The following C7 variants were observed in gnomAD, a reference collection of about 807,000 sequenced individuals.
The protein encoded by C7 is complement C7, also known as complement component C7.
C7 carries 83 observed loss-of-function variants against 104.8 expected under a neutral mutation model. The observed-to-expected ratio is 0.79, with a 90% CI of 0.66 to 0.95. The LOEUF is 0.95. Ranked by LOEUF, C7 falls within the 40% of genes least tolerant of loss-of-function variation. The probability of loss-of-function intolerance (pLI) is 0.00; values close to 1 mark genes in which losing one functional copy is unlikely to be tolerated. For synonymous variants in C7, 415 were observed against 360.6 expected, an observed-to-expected ratio of 1.15 and a Z score of -1.71; for missense variants, 1,070 against 1,011.2, an observed-to-expected ratio of 1.06 and a Z score of -0.79.
chr5:40,911,733 T>C (rs914757662), intron 1 of C7, among the ~76,000 whole-genome samples: 1 of 145,364 alleles, frequency 6.9e-6, no homozygotes, highest in Non-Finnish European at 1.5e-5. Context: ...ACACTTTTTC[T>C]TTCTTTCTTT....
chr5:40,957,225 G>A (rs1316046949), intron 10 of C7, among the ~76,000 whole-genome samples: 1 of 152,178 alleles, frequency 6.6e-6, no homozygotes, highest in East Asian at 1.9e-4. Context: ...CTGTTCCTGG[G>A]AGAGCAGACT....
chr5:40,930,977 A>C, intron 2 of C7, 87 bp from the exon 3 acceptor site: 1 of 882,092 alleles, frequency 1.1e-6, no homozygotes, highest in Non-Finnish European at 1.9e-6. Context: ...GCAACATTTA[A>C]CTATTTTTGA....
At chr5:40,949,472 G>T (rs1243782253) in intron 8 of C7, among the ~76,000 whole-genome samples, 7 of 152,094 alleles carry the variant, frequency 4.6e-5, no homozygotes, top group Non-Finnish European at 8.8e-5. Context: ...TAAAGATGGA[G>T]AGATTGAACC....
At chr5:40,945,966 A>T (rs1740039687) in intron 7 of C7, among the ~76,000 whole-genome samples, 1 of 149,400 alleles carries the variant, frequency 6.7e-6, no homozygotes, top group African/African-American at 2.4e-5. Flanking sequence ...TTATTTGAAG[A>T]TGTTTACAAA....
Position 40,909,567 on chromosome 5 carries a change from A to C in C7, c.-44A>C. 1 of 1,546,490 alleles carries C rather than the reference A, an allele frequency of 6.5e-7. No individual in the cohort carries two copies. Among genetic ancestry groups the C allele is most frequent in the Non-Finnish European group, 8.8e-7 (1 of 1,131,734 alleles). On this transcript the variant is annotated 5_prime_UTR_variant, in exon 1 of 18. Coordinates refer to ENST00000313164, the MANE Select transcript of C7 (RefSeq NM_000587.4). ...TTGAAAACTTACCCGGCCCTTACAGAGGAAATCTTCCTCCTCTCTTCTGCC... is the reference window on the plus strand; with the variant it reads ...TTGAAAACTTACCCGGCCCTTACAGCGGAAATCTTCCTCCTCTCTTCTGCC...
Position 40,959,520 on chromosome 5 carries a change from C to G in C7, c.1561C>G (p.Arg521Gly), listed in dbSNP as rs121964920. Residue 521 changes from arginine to glycine, a missense_variant, in exon 12 of 18, where the codon CGT (arginine) becomes GGT (glycine). Coordinates refer to ENST00000313164, the MANE Select transcript of C7 (RefSeq NM_000587.4). ...PCVQGKKTRS[R>G]ECNNPPPSGG... ...TGTCCAAGGGAAGAAAACAAGAAGC[C>G]GTGAATGCAATAACCCACCTCCCAG... The G allele has an allele frequency of 1.2e-6, 2 of 1,611,532 alleles. No homozygotes were observed. The highest frequency in any genetic ancestry group is 1.3e-5 in the African/African-American group (1 of 74,940).
At chr5:40,953,619 A>G (rs530450434) in intron 9 of C7, among the ~76,000 whole-genome samples, 118 of 145,640 alleles carry the variant, frequency 8.1e-4, no homozygotes, top group African/African-American at 2.9e-3. Flanking sequence ...GCAGCCTAGC[A>G]ACAGAGCAAG....
intron 1 of C7, chr5:40,911,245 G>T (rs1475425816): frequency 6.6e-6 from 1 of 152,216 alleles, no homozygotes; most frequent in African/African-American, 2.4e-5. Flanking sequence ...ACAAAGAAGG[G>T]ACACTTGTGA....
In C7 at chr5:40,974,870, C is replaced by T. The variant is rs113710870; in HGVS notation, c.2075-1880C>T. Reference sequence around the variant, plus strand: ...CTAGATTAAGGCTTCTCAACCTCAACGCTATTGGAATTTTAGGTCTAATAA... The same window carrying T: ...CTAGATTAAGGCTTCTCAACCTCAATGCTATTGGAATTTTAGGTCTAATAA... On this transcript the variant is annotated intron_variant, in intron 15 of 17. Transcript: ENST00000313164. Among the ~76,000 whole-genome samples the T allele has an allele frequency of 1.5e-3, 232 of 152,270 alleles. 1 individual carries two copies. Among genetic ancestry groups the T allele is most frequent in the African/African-American group, 5.3e-3 (219 of 41,562 alleles).
Position 40,976,762 on chromosome 5 carries a change from C to A in C7, c.2087C>A (p.Thr696Lys), listed in dbSNP as rs770619662. The A allele has an allele frequency of 3.1e-6, 5 of 1,598,808 alleles. No homozygotes were observed. In the East Asian group the frequency reaches 9.0e-5, roughly 29 times the overall value. ...ARCVQKENPL[T>K]QAVPKCQRWE... ...TATCCTTTTTTAGAAAATCCGTTAA[C>A]ACAGGCAGTGCCTAAATGTCAGCGC... The change falls in exon 16 of 18, where the codon ACA (threonine) becomes AAA (lysine). Residue 696 changes from threonine (T) to lysine (K), a missense_variant. Transcript: ENST00000313164.
At chr5:40,941,208 C>T (rs993444816) in intron 6 of C7, among the ~76,000 whole-genome samples, 2 of 151,848 alleles carry the variant, frequency 1.3e-5, no homozygotes, top group Non-Finnish European at 2.9e-5. Context: ...GGATTACAGG[C>T]GTGTACTACC....
At chr5:40,974,387 G>GA (rs541122936) in intron 15 of C7, among the ~76,000 whole-genome samples, 1 of 138,150 alleles carries the variant, frequency 7.2e-6, no homozygotes, top group Non-Finnish European at 1.6e-5. Context: ...TAATTCTATC[G>GA]TTTTTTTTTT....
At chr5:40,913,542 T>C (rs1312349052) in intron 1 of C7, among the ~76,000 whole-genome samples, 2 of 152,142 alleles carry the variant, frequency 1.3e-5, no homozygotes, top group East Asian at 1.9e-4. Flanking sequence ...TTATCCAGGC[T>C]GGAGAGTAAT....
chr5:40,916,348 A>G (rs1055194671), intron 1 of C7, among the ~76,000 whole-genome samples: 4 of 152,204 alleles, frequency 2.6e-5, no homozygotes, highest in Non-Finnish European at 5.9e-5. Flanking sequence ...TTAAACATCA[A>G]ACGGACCACC....
chr5:40,921,059 A>AAT, intron 1 of C7, among the ~76,000 whole-genome samples: 1 of 142,340 alleles, frequency 7.0e-6, no homozygotes, highest in East Asian at 2.2e-4. Flanking sequence ...CAAAAAAAAA[A>AAT]AAAAATGAAA....
At position 40,981,706 on chromosome 5, in the gene C7, C is replaced by A; in HGVS notation, c.*133C>A. The A allele has an allele frequency of 1.4e-6, 1 of 692,772 alleles. No individual in the cohort carries two copies. The highest frequency in any genetic ancestry group is 2.4e-6 in the Non-Finnish European group (1 of 419,192). 42.9% of individuals were successfully genotyped at this position (692,772 alleles called of 1,614,324 possible). On this transcript the variant is annotated 3_prime_UTR_variant, in exon 18 of 18. Coordinates refer to ENST00000313164, the MANE Select transcript of C7 (RefSeq NM_000587.4). Reference sequence around the variant, plus strand: ...TCTACCTTCCTCCTCAACTCCCAGCCATCTGTATAAACACAATCCTTTGTT... The same window carrying A: ...TCTACCTTCCTCCTCAACTCCCAGCAATCTGTATAAACACAATCCTTTGTT...
chr5:40,974,456 C>A lies in C7; in HGVS notation c.2074+1862C>A, dbSNP rs560989272. Among the ~76,000 whole-genome samples, 3 of 151,506 alleles carry A rather than the reference C, an allele frequency of 2.0e-5. No individual in the cohort carries two copies. The South Asian group carries it at 6.3e-4, about 32-fold the overall frequency. ...TTTGAGATGCAGTCTCGTTCTGTCACCCAGGCTGGAGTGCAGCGGCACAAT... is the reference window on the plus strand; with the variant it reads ...TTTGAGATGCAGTCTCGTTCTGTCAACCAGGCTGGAGTGCAGCGGCACAAT... On this transcript the variant is annotated intron_variant, in intron 15 of 17. Coordinates refer to ENST00000313164, the MANE Select transcript of C7 (RefSeq NM_000587.4).
chr5:40,912,759 T>A (rs1285034900), intron 1 of C7, among the ~76,000 whole-genome samples: 4 of 152,210 alleles, frequency 2.6e-5, no homozygotes, highest in Non-Finnish European at 5.9e-5. Flanking sequence ...TACTCAAGAT[T>A]TTTTGAAATT....
chr5:40,924,544 G>T (rs763357520), intron 1 of C7, among the ~76,000 whole-genome samples: 2 of 152,136 alleles, frequency 1.3e-5, no homozygotes, highest in Admixed American at 1.3e-4. Context: ...GGACTGTGTG[G>T]GGGGGTTCCA....
Sources: allele counts gnomAD v4.1 joint callset (sites outside exome capture counted in the v4.1 genomes callset), GRCh38; gene constraint gnomAD v4.1.1; transcripts MANE v1.5; gene names NCBI Gene and HGNC (gene_info 2026-07-23, HGNC 2026-07-21).